Variants in PSPC1 observed in about 807,000 individuals in gnomAD.
The protein encoded by PSPC1 is paraspeckle protein 1.
In PSPC1, 14 loss-of-function variants were observed where a neutral mutation model predicts 51.6. That is an observed-to-expected ratio of 0.27 (90% CI 0.18 to 0.42). PSPC1 has a LOEUF of 0.42. Among genes scored for constraint, PSPC1 ranks in the 10% least tolerant of loss-of-function variants. The probability of loss-of-function intolerance (pLI) is 1.00; values close to 1 mark genes in which losing one functional copy is unlikely to be tolerated. For synonymous variants in PSPC1, 193 were observed against 231.9 expected (o/e 0.83, Z 1.53); for missense variants, 406 against 701.1 (o/e 0.58, Z 4.75).
intron 4 of PSPC1, among the ~76,000 whole-genome samples, chr13:19,746,069 G>A (rs1327404156): frequency 2.8e-4 from 42 of 148,702 alleles, no homozygotes; most frequent in African/African-American, 9.4e-4. Context: ...GCGGTGGTGC[G>A]ATCTTGGCTC....
intron 6 of PSPC1, among the ~76,000 whole-genome samples, chr13:19,691,250 G>A (rs1593536159): frequency 1.3e-5 from 2 of 152,220 alleles, no homozygotes; most frequent in East Asian, 3.8e-4. Flanking sequence ...GCTGGGCACA[G>A]TGGCTCACAC....
intron 7 of PSPC1, among the ~76,000 whole-genome samples, chr13:19,708,259 A>G (rs1203118882): frequency 6.6e-6 from 1 of 152,238 alleles, no homozygotes; most frequent in Admixed American, 6.5e-5. Context: ...TTGATAGACT[A>G]TATATGCTGA....
downstream of PSPC1, among the ~76,000 whole-genome samples, chr13:19,699,092 A>G (rs375671094): frequency 2.6e-5 from 4 of 152,112 alleles, no homozygotes; most frequent in Non-Finnish European, 5.9e-5. Context: ...ACTGTCTTAC[A>G]AGCTTCAAAT....
chr13:19,672,805 A>T, downstream of PSPC1: 1 of 275,204 alleles, frequency 3.6e-6, no homozygotes. Context: ...GAGAGTATTA[A>T]ATGTGAACTT....
intron 6 of PSPC1, among the ~76,000 whole-genome samples, chr13:19,687,668 T>TCCCCTATATTGTTAACCA (rs142473484): frequency 6.6e-6 from 1 of 151,748 alleles, no homozygotes; most frequent in Non-Finnish European, 1.5e-5. Context: ...TCCACATAAA[T>TCCCCTATATTGTTAACCA]CCCAGTCGTG....
chr13:19,758,268 G>A (rs979374307), intron 3 of PSPC1, among the ~76,000 whole-genome samples: 5 of 151,430 alleles, frequency 3.3e-5, no homozygotes, highest in Admixed American at 2.0e-4. Flanking sequence ...AGCCGAGATC[G>A]TGCCACTGCA....
chr13:19,728,439 A>AC lies in PSPC1; in HGVS notation c.1158+1799_1158+1800insG, dbSNP rs1883624659. ...TAAGAGGGCCTAATTTCAAAGCTTA[A>AC]ACACACACACACACACACACACACA... is the stretch of plus-strand genomic sequence containing the variant. On this transcript the variant is annotated intron_variant, in intron 6 of 8. Transcript: ENST00000338910. Among the ~76,000 whole-genome samples the AC allele has an allele frequency of 2.6e-4, 37 of 144,440 alleles. No homozygotes were observed. In the South Asian group the frequency reaches 7.2e-3, roughly 28 times the overall value. The allele number at this position is 144,440 out of a possible 152,430, so 94.8% of individuals were successfully genotyped here. A position where few individuals can be genotyped will look rare whatever the true frequency, so the allele number is the denominator to read the frequency against.
chr13:19,703,493 A>T, intron 8 of PSPC1, 133 bp from the exon 9 acceptor site: 1 of 904,406 alleles, frequency 1.1e-6, no homozygotes, highest in Non-Finnish European at 1.6e-6. Context: ...CAGAATCAGG[A>T]TCACACATAG....
chr13:19,682,391 G>A (rs981841416), intron 6 of PSPC1, among the ~76,000 whole-genome samples: 13 of 150,898 alleles, frequency 8.6e-5, no homozygotes, highest in African/African-American at 2.7e-4. Context: ...AACATCAAAT[G>A]GCAATGAAAC....
intron 6 of PSPC1, among the ~76,000 whole-genome samples, chr13:19,680,602 C>A (rs1327306040): frequency 6.6e-6 from 1 of 151,928 alleles, no homozygotes; most frequent in Non-Finnish European, 1.5e-5. Flanking sequence ...AGTGATACTG[C>A]CTAATATGAA....
chr13:19,746,625 C>G (rs1001494466), intron 4 of PSPC1, among the ~76,000 whole-genome samples: 1 of 150,900 alleles, frequency 6.6e-6, no homozygotes, highest in African/African-American at 2.4e-5. Context: ...CACTTGAACC[C>G]GGGAACCGGA....
rs1336784064 is a variant in PSPC1 at position 19,702,569 on chromosome 13, CT to C, written c.*605del. 6.6e-6 allele frequency: 1 copy of C among 151,984 alleles called. No individual in the cohort carries two copies. The highest frequency in any genetic ancestry group is 1.9e-4 in the East Asian group (1 of 5,190). 9.4% of individuals were successfully genotyped at this position (151,984 alleles called of 1,614,324 possible). On this transcript the variant is annotated 3_prime_UTR_variant, in exon 9 of 9. Coordinates refer to ENST00000338910, the MANE Select transcript of PSPC1 (RefSeq NM_001354909.2). ...GACAAAGATATCCTTAATAATCTGT[CT>C]CAGAATACCTGAATATTCAGAAGCT...
intron 6 of PSPC1, chr13:19,678,025 A>G (rs192067516): frequency 1.4e-4 from 47 of 334,082 alleles, no homozygotes; most frequent in African/African-American, 9.3e-4. Flanking sequence ...AAAGAACATC[A>G]ACTGAATTAA....
At chr13:19,691,689 T>C (rs1470427026) in intron 6 of PSPC1, among the ~76,000 whole-genome samples, 2 of 152,008 alleles carry the variant, frequency 1.3e-5, no homozygotes, top group African/African-American at 4.8e-5. Flanking sequence ...GAGGCCGAGG[T>C]AGGCGGATCA....
At chr13:19,741,481 A>G in intron 5 of PSPC1, 84 bp downstream of exon 5, 2 of 973,744 alleles carry the variant, frequency 2.1e-6, no homozygotes, top group Non-Finnish European at 3.1e-6. Context: ...TGTGATACTC[A>G]ACTTATACAA....
chr13:19,702,471 A>G (rs1336187279), downstream of PSPC1: 3 of 152,250 alleles, frequency 2.0e-5, no homozygotes, highest in Admixed American at 6.5e-5. Flanking sequence ...ATTATTTTTT[A>G]TAAGCAAAAG....
intron 1 of PSPC1, among the ~76,000 whole-genome samples, chr13:19,775,373 A>AT (rs1467437881): frequency 1.3e-5 from 2 of 152,236 alleles, no homozygotes; most frequent in Admixed American, 6.6e-5. Context: ...TAGACAAAAA[A>AT]AAAAAATAAA....
At chr13:19,749,235 C>A (rs1241864738) in intron 4 of PSPC1, among the ~76,000 whole-genome samples, 3 of 152,026 alleles carry the variant, frequency 2.0e-5, no homozygotes, top group Non-Finnish European at 4.4e-5. Flanking sequence ...GTAATCCCAG[C>A]CACTTAGGAG....
intron 6 of PSPC1, among the ~76,000 whole-genome samples, chr13:19,696,113 A>C (rs1235841251): frequency 6.6e-6 from 1 of 152,150 alleles, no homozygotes; most frequent in Non-Finnish European, 1.5e-5. Flanking sequence ...TCTCCAAACC[A>C]AACCCATTTA....
Sources: allele counts gnomAD v4.1 joint callset (sites outside exome capture counted in the v4.1 genomes callset), GRCh38; gene constraint gnomAD v4.1.1; transcripts MANE v1.5; gene names NCBI Gene and HGNC (gene_info 2026-07-23, HGNC 2026-07-21).